The following ANO1 variants were observed in gnomAD, a reference collection of about 807,000 sequenced individuals.
The protein encoded by ANO1 is anoctamin-1.
In ANO1, 59 loss-of-function variants were observed where a neutral mutation model predicts 124.0. The observed-to-expected ratio is 0.48, with a 90% CI of 0.39 to 0.59. The LOEUF is 0.59. Among genes scored for constraint, ANO1 ranks in the 20% least tolerant of loss-of-function variants. The pLI is 0.00. For synonymous variants in ANO1, 529 were observed against 532.0 expected, an observed-to-expected ratio of 0.99 and a Z score of 0.08; for missense variants, 1,059 against 1,328.0, an observed-to-expected ratio of 0.80 and a Z score of 3.15.
chr11:70,149,754 A>T lies in ANO1; in HGVS notation c.1303A>T (p.Asn435Tyr). 1.2e-6 allele frequency: 2 copies of T among 1,613,766 alleles called. No homozygotes were observed. Among genetic ancestry groups the T allele is most frequent in the Non-Finnish European group, 1.7e-6 (2 of 1,179,836 alleles). ...EHWKRKQMRL[N>Y]YRWDLTGFEE... Reference sequence around the variant, plus strand: ...CTGGAAGCGGAAACAGATGCGACTCAACTACCGCTGGGACCTCACGGGCTT... The same window carrying T: ...CTGGAAGCGGAAACAGATGCGACTCTACTACCGCTGGGACCTCACGGGCTT... The change falls in exon 12 of 26, where the codon AAC (asparagine) becomes TAC (tyrosine). Residue 435 changes from asparagine (N) to tyrosine (Y), a missense_variant. Asn to Tyr is a moderately radical substitution (Grantham distance 143). Around this residue, in one of 2 missense-constraint regions of ANO1, gnomAD observed 809 missense variants for 1,094.9 expected, o/e 0.74. Transcript: ENST00000355303.
intron 1 of ANO1, among the ~76,000 whole-genome samples, chr11:70,014,051 A>T (rs1856653387): frequency 6.6e-6 from 1 of 152,018 alleles, no homozygotes; most frequent in Non-Finnish European, 1.5e-5. Flanking sequence ...TCTTATAAGA[A>T]CACAGTCCTA....
At chr11:70,069,446 G>C (rs1266867415) in intron 1 of ANO1, among the ~76,000 whole-genome samples, 2 of 152,188 alleles carry the variant, frequency 1.3e-5, no homozygotes, top group African/African-American at 2.4e-5. Context: ...GGGTTTAAGG[G>C]AAAACAGCCC....
At chr11:70,062,382 G>A (rs1555007892) in intron 1 of ANO1, among the ~76,000 whole-genome samples, 1 of 151,978 alleles carries the variant, frequency 6.6e-6, no homozygotes, top group African/African-American at 2.4e-5. Context: ...CGGCCGAGGT[G>A]ATTTTTTTAA....
the ANO1 span, among the ~76,000 whole-genome samples, chr11:69,968,026 T>A: frequency 1.4e-3 from 209 of 152,254 alleles, no homozygotes; most frequent in African/African-American, 4.8e-3. Flanking sequence ...TCTGAGGGCC[T>A]TCCTGGCATC....
In ANO1 at chr11:70,087,964, G is replaced by T; in HGVS notation, c.321G>T (p.Ser107=). 2 of 1,588,192 alleles carry T rather than the reference G, an allele frequency of 1.3e-6. No homozygotes were observed. Among genetic ancestry groups the T allele is most frequent in the Non-Finnish European group, 8.6e-7 (1 of 1,165,778 alleles). Residue 107 remains serine, a synonymous_variant, in exon 2 of 26, where the codon TCG becomes TCT. Transcript: ENST00000355303. The stretch of plus-strand genomic sequence containing the variant: ...ACCCCCTGCCGGGCAAGGGGGCGTC[G>T]CTGGATGCAGGCTCGGGGGAGCCCC... The part of the protein sequence containing the change: ...QDHPLPGKGA[S]LDAGSGEPPM...
intron 1 of ANO1, chr11:70,085,505 C>T: frequency 6.5e-7 from 1 of 1,536,094 alleles, no homozygotes; most frequent in Non-Finnish European, 8.7e-7. Flanking sequence ...GTTTCAGCCT[C>T]CTGCCGGCAC....
chr11:70,159,161 G>C (rs1427137138), intron 16 of ANO1, among the ~76,000 whole-genome samples: 1 of 152,126 alleles, frequency 6.6e-6, no homozygotes, highest in Admixed American at 6.5e-5. Context: ...TCCTAGGAGT[G>C]GGTCCCCTCT....
At chr11:70,095,287 G>GGAAGGAAGGAAGGAAGGAAAGAAAGAAA (rs1565193196) in intron 2 of ANO1, among the ~76,000 whole-genome samples, 1 of 80,628 alleles carries the variant, frequency 1.2e-5, no homozygotes, top group African/African-American at 6.0e-5. Context: ...AAGGAAGGAA[G>GGAAGGAAGGAAGGAAGGAAAGAAAGAAA]GAAGGAAGGA....
intron 24 of ANO1, among the ~76,000 whole-genome samples, chr11:70,183,517 G>A (rs1348055360): frequency 1.3e-5 from 2 of 152,324 alleles, no homozygotes; most frequent in South Asian, 4.1e-4. Context: ...AGAGAATGGG[G>A]GGGTCCTAGG....
intron 19 of ANO1, among the ~76,000 whole-genome samples, chr11:70,164,299 G>A (rs914388146): frequency 5.9e-5 from 9 of 152,170 alleles, no homozygotes; most frequent in African/African-American, 2.2e-4. Context: ...ATAAGATATC[G>A]AGGATGGGGT....
At chr11:70,065,770 C>T (rs1857701240) in intron 1 of ANO1, among the ~76,000 whole-genome samples, 1 of 152,218 alleles carries the variant, frequency 6.6e-6, no homozygotes, top group African/African-American at 2.4e-5. Context: ...GCCTCAAGGC[C>T]TTCACCTGGC....
chr11:70,047,729 G>T (rs1857283681), intron 1 of ANO1, among the ~76,000 whole-genome samples: 1 of 152,076 alleles, frequency 6.6e-6, no homozygotes, highest in South Asian at 2.1e-4. Context: ...ATTTTTTAAA[G>T]ACCCAGAAAT....
At chr11:70,031,143 C>G (rs1295846524) in intron 1 of ANO1, among the ~76,000 whole-genome samples, 1 of 152,170 alleles carries the variant, frequency 6.6e-6, no homozygotes, top group Non-Finnish European at 1.5e-5. Flanking sequence ...TGGAGTTTCA[C>G]CATGTTGCCC....
At chr11:70,137,805 GAC>G (rs2047005898) in intron 11 of ANO1, among the ~76,000 whole-genome samples, 1 of 147,536 alleles carries the variant, frequency 6.8e-6, no homozygotes, top group African/African-American at 2.4e-5. Context: ...GTAGAACGGA[GAC>G]ACAGTCCCAC....
the ANO1 span, among the ~76,000 whole-genome samples, chr11:69,974,150 C>G: frequency 1.3e-5 from 2 of 151,940 alleles, no homozygotes; most frequent in African/African-American, 4.8e-5. Context: ...GAAACTCCAT[C>G]TCTACTAAAA....
At chr11:70,005,016 G>A (rs976569523) in intron 1 of ANO1, among the ~76,000 whole-genome samples, 1 of 152,036 alleles carries the variant, frequency 6.6e-6, no homozygotes, top group South Asian at 2.1e-4. Context: ...AGGAGGCTGA[G>A]GCAGGAGAAT....
At chr11:70,042,621 AG>A (rs553837941) in intron 1 of ANO1, among the ~76,000 whole-genome samples, 113 of 152,264 alleles carry the variant, frequency 7.4e-4, no homozygotes, top group Non-Finnish European at 1.2e-3. Context: ...AATCTACATA[AG>A]CATGAGAGGA....
chr11:70,053,702 A>G (rs782205220), intron 1 of ANO1, among the ~76,000 whole-genome samples: 118 of 152,306 alleles, frequency 7.7e-4, no homozygotes, highest in Non-Finnish European at 6.6e-4. Flanking sequence ...TCAGGTTCAA[A>G]TTCATTGGGA....
intron 1 of ANO1, among the ~76,000 whole-genome samples, chr11:70,022,673 T>C (rs1856830035): frequency 6.6e-6 from 1 of 151,784 alleles, no homozygotes; most frequent in African/African-American, 2.4e-5. Flanking sequence ...CCTAGCTTGC[T>C]TTCCCCCAAA....
Sources: gnomAD v4.1 joint callset for allele counts (sites outside exome capture counted in the v4.1 genomes callset) on GRCh38, gnomAD v4.1.1 for gene constraint, gnomAD v4.1.1 regional missense constraint, MANE v1.5 for transcripts, NCBI Gene and HGNC (gene_info 2026-07-23, HGNC 2026-07-21) for gene names.